The following RGPD4 variants were observed in gnomAD, a reference collection of about 807,000 sequenced individuals.
RGPD4 encodes ranBP2-like and GRIP domain-containing protein 4.
Under a neutral mutation model 141.1 loss-of-function variants are expected in RGPD4, and 84 were observed. That is an observed-to-expected ratio of 0.60 (90% CI 0.50 to 0.71). The LOEUF (loss-of-function observed/expected upper bound fraction) is 0.71, where lower values mean the gene tolerates loss of function less well. RGPD4 is among the 30% of genes least tolerant of loss of function. The probability of loss-of-function intolerance (pLI) is 0.00; values close to 1 mark genes in which losing one functional copy is unlikely to be tolerated. For missense variants in RGPD4, 918 were observed against 1,622.4 expected, an observed-to-expected ratio of 0.57 and a Z score of 7.46; for synonymous variants, 298 against 566.8, an observed-to-expected ratio of 0.53 and a Z score of 6.74.
intron 1 of RGPD4, among the ~76,000 whole-genome samples, chr2:107,830,621 T>C (rs1681450468): frequency 6.6e-6 from 1 of 152,046 alleles, no homozygotes. Flanking sequence ...AGTGAGTAAC[T>C]GGAACATGTG....
In RGPD4 at chr2:107,869,259, A is replaced by C. The variant is rs200848310; in HGVS notation, c.2606-624A>C. 5.5e-5 allele frequency among the ~76,000 whole-genome samples: 4 copies of C among 72,594 alleles called. 1 individual carries two copies. In the East Asian group the frequency reaches 9.2e-4, roughly 17 times the overall value. 47.6% of individuals were successfully genotyped at this position (72,594 alleles called of 152,430 possible). A position where few individuals can be genotyped will look rare whatever the true frequency, so the allele number is the denominator to read the frequency against. On this transcript the variant is annotated intron_variant, in intron 18 of 22. Coordinates refer to ENST00000408999, the MANE Select transcript of RGPD4 (RefSeq NM_182588.3). ...GACTATTGGTAGTTTTGTCATTAAC[A>C]GGGGTGCCTTCTAGTTGTTTTGTTT...
chr2:107,879,935 T>C, intron 20 of RGPD4, 33 bp from the exon 21 acceptor site: 2 of 1,610,010 alleles, frequency 1.2e-6, no homozygotes, highest in South Asian at 2.2e-5. Flanking sequence ...ATGTATGATT[T>C]TGAAAATTAA....
At chr2:107,849,315 A>G in intron 7 of RGPD4, among the ~76,000 whole-genome samples, 1 of 109,578 alleles carries the variant, frequency 9.1e-6, no homozygotes, top group African/African-American at 3.8e-5. Flanking sequence ...TGGTCTCCCA[A>G]AGTGCTGGGA....
chr2:107,878,320 G>C (rs529537021), intron 20 of RGPD4, among the ~76,000 whole-genome samples: 2 of 151,124 alleles, frequency 1.3e-5, no homozygotes, highest in South Asian at 2.1e-4. Flanking sequence ...AATCTTTGAA[G>C]AACCTTCGAG....
chr2:107,882,763 A>G lies in RGPD4; in HGVS notation c.5156A>G (p.Gln1719Arg), dbSNP rs752513265. The G allele has an allele frequency of 6.2e-7, 1 of 1,611,472 alleles. No individual in the cohort carries two copies. Among genetic ancestry groups the G allele is most frequent in the African/African-American group, 1.3e-5 (1 of 74,452 alleles). The change falls in exon 22 of 23, where the codon CAG becomes CGG. Residue 1719 changes from glutamine (Q) to arginine (R), a missense_variant. Coordinates refer to ENST00000408999, the MANE Select transcript of RGPD4 (RefSeq NM_182588.3). ...GAACACTTGAAGAACGTCTTGCTGCAGTTCATTTTCTTGAAGCCAGGTAGT... is the reference window on the plus strand; with the variant it reads ...GAACACTTGAAGAACGTCTTGCTGCGGTTCATTTTCTTGAAGCCAGGTAGT... Reference protein sequence around the residue: ...NVEHLKNVLLQFIFLKPGSER... With the variant: ...NVEHLKNVLLRFIFLKPGSER...
intron 22 of RGPD4, chr2:107,883,115 T>C: frequency 1.5e-6 from 1 of 646,010 alleles, no homozygotes; most frequent in Middle Eastern, 4.1e-4. Flanking sequence ...ATCTTCTAGC[T>C]CTTTGAAAAT....
chr2:107,834,368 C>A (rs535114112), intron 1 of RGPD4, among the ~76,000 whole-genome samples: 2 of 150,434 alleles, frequency 1.3e-5, no homozygotes, highest in African/African-American at 4.9e-5. Context: ...ACCCGTGGTC[C>A]AAAAATATTG....
In RGPD4 at chr2:107,890,814, T is replaced by TG. The variant is rs1675637842; in HGVS notation, c.*83_*84insG. ...TAGGTTGATGGAAGGAATATTTTTA[T>TG]TAACCAAATAAAATCTATTTACAAA... On this transcript the variant is annotated 3_prime_UTR_variant, in exon 23 of 23. Coordinates refer to ENST00000408999, the MANE Select transcript of RGPD4 (RefSeq NM_182588.3). The TG allele has an allele frequency of 6.4e-7, 1 of 1,570,594 alleles. No individual in the cohort carries two copies. The highest frequency in any genetic ancestry group is 1.2e-5 in the South Asian group (1 of 85,748).
chr2:107,888,330 C>T (rs372190429), intron 22 of RGPD4, among the ~76,000 whole-genome samples: 1 of 147,938 alleles, frequency 6.8e-6, no homozygotes. Context: ...TGTCAAAAAT[C>T]TTATATTCAG....
intron 1 of RGPD4, among the ~76,000 whole-genome samples, chr2:107,827,660 G>C (rs1421621576): frequency 2.0e-5 from 1 of 51,032 alleles, no homozygotes; most frequent in African/African-American, 9.3e-5. Flanking sequence ...TCCCTGGCAC[G>C]CTCTGTTGAG....
At chr2:107,833,090 G>A (rs71262110) in intron 1 of RGPD4, among the ~76,000 whole-genome samples, 11 of 148,530 alleles carry the variant, frequency 7.4e-5, no homozygotes, top group East Asian at 3.9e-4. Flanking sequence ...CTGTATAATC[G>A]CGGCCTTCAC....
chr2:107,829,555 G>A (rs1235004768), intron 1 of RGPD4, among the ~76,000 whole-genome samples: 60 of 148,334 alleles, frequency 4.0e-4, no homozygotes, highest in Non-Finnish European at 7.7e-4. Context: ...CTGGCCCGGC[G>A]GCGGCCTCGA....
chr2:107,834,400 A>G (rs1330157436), intron 1 of RGPD4, among the ~76,000 whole-genome samples: 1 of 151,484 alleles, frequency 6.6e-6, no homozygotes, highest in Non-Finnish European at 1.5e-5. Context: ...ATATAAATAA[A>G]CATTTCATGA....
intron 7 of RGPD4, among the ~76,000 whole-genome samples, chr2:107,854,127 G>A (rs1406488109): frequency 5.3e-5 from 7 of 131,044 alleles, no homozygotes; most frequent in South Asian, 2.7e-4. Flanking sequence ...CAGTCTCGGC[G>A]CACTACAACC....
intron 1 of RGPD4, among the ~76,000 whole-genome samples, chr2:107,829,195 G>A (rs1368949731): frequency 1.8e-4 from 4 of 21,678 alleles, no homozygotes; most frequent in African/African-American, 6.7e-4. Context: ...CCGGCCCGGC[G>A]GCGGCCTCCA....
chr2:107,882,157 T>G (rs1259716734), intron 21 of RGPD4, among the ~76,000 whole-genome samples: 1 of 151,950 alleles, frequency 6.6e-6, no homozygotes, highest in Admixed American at 6.6e-5. Flanking sequence ...CCTGTGCTTC[T>G]GAGACAAGAA....
chr2:107,875,665 A>T (rs1316518006), intron 20 of RGPD4, among the ~76,000 whole-genome samples: 1 of 138,544 alleles, frequency 7.2e-6, no homozygotes, highest in African/African-American at 2.8e-5. Flanking sequence ...GTTTTCAGCC[A>T]TATGAATGGT....
rs1424529076 is a variant in RGPD4, at chr2:107,827,043, G to A, written c.30G>A (p.Arg10=). The change falls in exon 1 of 23, where the codon CGG becomes CGA. Residue 10 remains arginine, a synonymous_variant. Coordinates refer to ENST00000408999, the MANE Select transcript of RGPD4 (RefSeq NM_182588.3). ...GTTGCAGCAAGGCCTACGGGGAGCG[G>A]TACGTCGCCTCCGTGCAGGGCTCCG... The part of the protein sequence containing the change: MSCSKAYGE[R]YVASVQGSAP... 3 of 1,599,088 alleles carry A rather than the reference G, an allele frequency of 1.9e-6. No individual in the cohort carries two copies. The highest frequency in any genetic ancestry group is 1.7e-6 in the Non-Finnish European group (2 of 1,174,250).
intron 1 of RGPD4, among the ~76,000 whole-genome samples, chr2:107,834,409 G>C (rs965142819): frequency 1.3e-5 from 2 of 151,546 alleles, no homozygotes; most frequent in Non-Finnish European, 2.9e-5. Flanking sequence ...AACATTTCAT[G>C]AGTTTTAAAT....
Sources: allele counts gnomAD v4.1 joint callset (sites outside exome capture counted in the v4.1 genomes callset), GRCh38; gene constraint gnomAD v4.1.1; transcripts MANE v1.5; gene names NCBI Gene and HGNC (gene_info 2026-07-23, HGNC 2026-07-21).